The following DISC1 variants were observed in gnomAD, a reference collection of about 807,000 sequenced individuals.
DISC1 encodes disrupted in schizophrenia 1 protein.
Under a neutral mutation model 84.5 loss-of-function variants are expected in DISC1, and 57 were observed. The observed-to-expected ratio is 0.67, with a 90% CI of 0.55 to 0.84. DISC1 has a LOEUF of 0.84. Ranked by LOEUF, DISC1 falls within the 40% of genes least tolerant of loss-of-function variation. The pLI is 0.00. For missense variants in DISC1, 1,000 were observed against 1,057.8 expected (o/e 0.95, Z 0.76); for synonymous variants, 411 against 415.2 (o/e 0.99, Z 0.12).
chr1:231,881,209 C>A (rs1374500480), intron 9 of DISC1, among the ~76,000 whole-genome samples: 1 of 152,174 alleles, frequency 6.6e-6, no homozygotes, highest in Non-Finnish European at 1.5e-5. Flanking sequence ...CTTTCCCTGG[C>A]AACAGGGCCT....
At chr1:231,936,974 T>C (rs2091018889) in intron 9 of DISC1, among the ~76,000 whole-genome samples, 1 of 152,202 alleles carries the variant, frequency 6.6e-6, no homozygotes, top group Admixed American at 6.5e-5. Flanking sequence ...AACTGACATA[T>C]TTATAACATG....
At chr1:231,666,736 AAAGGT>A (rs2062057065) in intron 1 of DISC1, among the ~76,000 whole-genome samples, 1 of 152,048 alleles carries the variant, frequency 6.6e-6, no homozygotes, top group Non-Finnish European at 1.5e-5. Context: ...GGATAAAATG[AAAGGT>A]TCTTAGTGAA....
intron 12 of DISC1, among the ~76,000 whole-genome samples, chr1:232,033,637 G>A (rs1670255259): frequency 6.6e-6 from 1 of 152,166 alleles, no homozygotes; most frequent in South Asian, 2.1e-4. Flanking sequence ...GTGCTGCTGT[G>A]TCCATAACAT....
At chr1:231,752,326 T>C (rs186567716) in intron 4 of DISC1, among the ~76,000 whole-genome samples, 207 of 152,234 alleles carry the variant, frequency 1.4e-3, no homozygotes, top group African/African-American at 4.7e-3. Flanking sequence ...TCAGTAAACT[T>C]ACAATCATGG....
At chr1:231,780,237 T>TAAAAAAAAAAAA (rs11451092) in intron 6 of DISC1, among the ~76,000 whole-genome samples, 2 of 103,926 alleles carry the variant, frequency 1.9e-5, no homozygotes, top group Non-Finnish European at 4.5e-5. Flanking sequence ...TAAAGTATAA[T>TAAAAAAAAAAAA]AAAAAAAAAA....
intron 8 of DISC1, among the ~76,000 whole-genome samples, chr1:231,804,503 G>GTACCTTACCT (rs2079552711): frequency 2.0e-5 from 3 of 151,438 alleles, no homozygotes; most frequent in Admixed American, 1.3e-4. Context: ...TGTTACCCAG[G>GTACCTTACCT]CTGGAGTGCA....
Position 231,954,474 on chromosome 1 carries a change from A to G in DISC1, c.1982-4354A>G, listed in dbSNP as rs889607668. Reference sequence around the variant, plus strand: ...CTCTGTTATCATGGCCTGAACCTGAATATCAGATTCCCTTAATAAACAGAA... The same window carrying G: ...CTCTGTTATCATGGCCTGAACCTGAGTATCAGATTCCCTTAATAAACAGAA... On this transcript the variant is annotated intron_variant, in intron 9 of 12. Coordinates refer to ENST00000439617, the MANE Select transcript of DISC1 (RefSeq NM_018662.3). The surrounding 1 kb of genome is among the most constrained non-coding windows in gnomAD (Gnocchi z 4.8). Among the ~76,000 whole-genome samples the G allele has an allele frequency of 4.6e-5, 7 of 152,174 alleles. No individual in the cohort carries two copies. Among genetic ancestry groups the G allele is most frequent in the African/African-American group, 1.7e-4 (7 of 41,408 alleles).
At chr1:231,910,081 G>C (rs1030133763) in intron 9 of DISC1, among the ~76,000 whole-genome samples, 8 of 151,848 alleles carry the variant, frequency 5.3e-5, no homozygotes, top group Non-Finnish European at 8.8e-5. Context: ...TTCTTTATTA[G>C]TCTTGCTAGC....
At chr1:231,627,256 A>C (rs913762327) in intron 1 of DISC1, among the ~76,000 whole-genome samples, 1 of 152,070 alleles carries the variant, frequency 6.6e-6, no homozygotes, top group Non-Finnish European at 1.5e-5. Context: ...GAAAGGTTGC[A>C]GAGGCGTGCT....
intron 1 of DISC1, among the ~76,000 whole-genome samples, chr1:231,678,378 C>T (rs949684010): frequency 3.3e-5 from 5 of 152,180 alleles, no homozygotes; most frequent in African/African-American, 1.2e-4. Context: ...GTGGCGGAGA[C>T]ATTTGCTTCC....
chr1:231,946,121 A>G (rs1219322580), intron 9 of DISC1, among the ~76,000 whole-genome samples: 1 of 152,228 alleles, frequency 6.6e-6, no homozygotes, highest in African/African-American at 2.4e-5. Context: ...TGAGGCCAGC[A>G]TCATCCTGAT....
At chr1:231,849,473 C>T (rs1304830613) in intron 9 of DISC1, among the ~76,000 whole-genome samples, 2 of 152,088 alleles carry the variant, frequency 1.3e-5, no homozygotes, top group Non-Finnish European at 2.9e-5. Context: ...AGACAACATG[C>T]CCAAGGTCCC....
chr1:231,823,223 TA>T (rs1219552868), intron 9 of DISC1, among the ~76,000 whole-genome samples: 1 of 135,442 alleles, frequency 7.4e-6, no homozygotes, highest in Non-Finnish European at 1.6e-5. Flanking sequence ...ATATGTCAGA[TA>T]TATGTAGAAG....
At chr1:231,948,332 A>G (rs970204278) in intron 9 of DISC1, among the ~76,000 whole-genome samples, 11 of 152,252 alleles carry the variant, frequency 7.2e-5, no homozygotes, top group African/African-American at 2.4e-4. Flanking sequence ...CGAAACCACC[A>G]TTCTCCGCAA....
At chr1:231,690,225 C>A (rs1487176157) in intron 1 of DISC1, among the ~76,000 whole-genome samples, 1 of 152,162 alleles carries the variant, frequency 6.6e-6, no homozygotes, top group Non-Finnish European at 1.5e-5. Flanking sequence ...CCAGGGCAAG[C>A]AGGTCTGTGC....
chr1:231,891,874 A>G (rs2087255745), intron 9 of DISC1, among the ~76,000 whole-genome samples: 1 of 152,164 alleles, frequency 6.6e-6, no homozygotes, highest in African/African-American at 2.4e-5. Flanking sequence ...AGTAGCCATA[A>G]CCTGCGGCCT....
At chr1:231,942,709 G>A (rs1281627987) in intron 9 of DISC1, among the ~76,000 whole-genome samples, 2 of 151,956 alleles carry the variant, frequency 1.3e-5, no homozygotes, top group South Asian at 2.1e-4. Flanking sequence ...AAAAGAAAAC[G>A]CCATGGCCAG....
chr1:231,998,786 T>G lies in DISC1; in HGVS notation c.2043-9999T>G, dbSNP rs1296324879. 2.0e-5 allele frequency among the ~76,000 whole-genome samples: 3 copies of G among 152,288 alleles called. No individual in the cohort carries two copies. The East Asian group carries it at 5.8e-4, about 29-fold the overall frequency. On this transcript the variant is annotated intron_variant, in intron 10 of 12. Coordinates refer to ENST00000439617, the MANE Select transcript of DISC1 (RefSeq NM_018662.3). Reference sequence around the variant, plus strand: ...TATGCAAATAAAGCTTAGCAAATTTTTTACTGTTGATGACATACAGAACTT... The same window carrying G: ...TATGCAAATAAAGCTTAGCAAATTTGTTACTGTTGATGACATACAGAACTT...
intron 9 of DISC1, among the ~76,000 whole-genome samples, chr1:231,917,358 A>G (rs1430440017): frequency 2.0e-5 from 3 of 152,230 alleles, no homozygotes; most frequent in African/African-American, 4.8e-5. Flanking sequence ...CTTACTTTCC[A>G]TAAAGAGAAT....
Sources: gnomAD v4.1 joint callset for allele counts (sites outside exome capture counted in the v4.1 genomes callset) on GRCh38, gnomAD v4.1.1 for gene constraint, Gnocchi (gnomAD v3.1) non-coding constraint, MANE v1.5 for transcripts, NCBI Gene and HGNC (gene_info 2026-07-23, HGNC 2026-07-21) for gene names.